Variants in TRDN observed in about 807,000 individuals in gnomAD.
TRDN encodes triadin.
In TRDN, 161 loss-of-function variants were observed where a neutral mutation model predicts 149.7. The observed-to-expected ratio is 1.08, with a 90% confidence interval of 0.95 to 1.23. The LOEUF (loss-of-function observed/expected upper bound fraction) is 1.23, where lower values mean the gene tolerates loss of function less well. TRDN is among the 50% of genes most tolerant of loss of function. TRDN has a pLI of 0.00. For missense variants in TRDN, 896 were observed against 823.5 expected (o/e 1.09, Z -1.08); for synonymous variants, 294 against 250.5 (o/e 1.17, Z -1.64).
chr6:123,636,637 T>TG, intron 1 of TRDN, 117 bp downstream of exon 1: 1 of 1,207,114 alleles, frequency 8.3e-7, no homozygotes, highest in Non-Finnish European at 1.2e-6. Flanking sequence ...ATAGAATCAT[T>TG]GACCAAGGCA....
chr6:123,401,235 T>C (rs1772957156), intron 12 of TRDN, among the ~76,000 whole-genome samples: 1 of 152,196 alleles, frequency 6.6e-6, no homozygotes, highest in Admixed American at 6.5e-5. Context: ...TAAAAATGGC[T>C]AGGTTTGTAA....
intron 24 of TRDN, among the ~76,000 whole-genome samples, chr6:123,296,372 T>C (rs1778197482): frequency 6.6e-6 from 1 of 152,118 alleles, no homozygotes; most frequent in Non-Finnish European, 1.5e-5. Flanking sequence ...ATCTAAACTT[T>C]CTACCACATA....
At chr6:123,548,057 CTT>C (rs1182136742) in intron 3 of TRDN, among the ~76,000 whole-genome samples, 1 of 151,934 alleles carries the variant, frequency 6.6e-6, no homozygotes, top group Non-Finnish European at 1.5e-5. Context: ...GTATAAAACA[CTT>C]ATATGTATTT....
At chr6:123,312,090 G>A (rs1778846810) in intron 24 of TRDN, among the ~76,000 whole-genome samples, 1 of 151,968 alleles carries the variant, frequency 6.6e-6, no homozygotes, top group Non-Finnish European at 1.5e-5. Context: ...GAATCTGACA[G>A]AGGGGTTCCA....
Position 123,503,816 on chromosome 6 carries a change from T to C in TRDN, c.696A>G (p.Gln232=). 1 of 1,610,338 alleles carries C rather than the reference T, an allele frequency of 6.2e-7. No homozygotes were observed. Among genetic ancestry groups the C allele is most frequent in the Non-Finnish European group, 8.5e-7 (1 of 1,177,916 alleles). The stretch of plus-strand genomic sequence containing the variant: ...GTACTTCTTTTACTTTTGCAGCTGT[T>C]TGCTTCACTTTCTCCTGTTTTCCAC... ...VKGGKQEKVK[Q]TAAKVKEVQK... is the part of the protein sequence containing the mutation. Residue 232 remains glutamine (Q), a synonymous_variant, in exon 8 of 41, where the codon CAA becomes CAG. Transcript: ENST00000334268.
intron 10 of TRDN, among the ~76,000 whole-genome samples, chr6:123,449,905 C>G (rs1469461017): frequency 2.0e-5 from 3 of 152,104 alleles, no homozygotes; most frequent in African/African-American, 7.2e-5. Flanking sequence ...GGGATTGGGG[C>G]CCTATCTTCA....
chr6:123,498,668 G>C (rs1778549941), intron 8 of TRDN: 1 of 468,176 alleles, frequency 2.1e-6, no homozygotes, highest in African/African-American at 2.0e-5. Context: ...AAGACATAAG[G>C]TTAAGGTAGA....
chr6:123,607,672 A>T (rs1394460193), intron 1 of TRDN, among the ~76,000 whole-genome samples: 3 of 152,138 alleles, frequency 2.0e-5, no homozygotes, highest in African/African-American at 7.2e-5. Flanking sequence ...CTTGCAGATT[A>T]TGTTTATTTG....
At chr6:123,279,305 G>A (rs1290897520) in intron 24 of TRDN, among the ~76,000 whole-genome samples, 1 of 151,964 alleles carries the variant, frequency 6.6e-6, no homozygotes, top group Admixed American at 6.6e-5. Context: ...ATATTTTCAG[G>A]TTTTAGGCCA....
intron 24 of TRDN, among the ~76,000 whole-genome samples, chr6:123,303,667 T>C (rs1024741461): frequency 6.6e-6 from 1 of 152,102 alleles, no homozygotes; most frequent in Non-Finnish European, 1.5e-5. Flanking sequence ...GAACTGGTAA[T>C]GGTTTTTAAA....
chr6:123,302,273 C>A (rs180889229), intron 24 of TRDN, among the ~76,000 whole-genome samples: 1 of 151,918 alleles, frequency 6.6e-6, no homozygotes, highest in Non-Finnish European at 1.5e-5. Context: ...AAGTCATTCA[C>A]CCATTATGTA....
At chr6:123,557,335 T>A (rs2114479717) in intron 2 of TRDN, among the ~76,000 whole-genome samples, 1 of 152,210 alleles carries the variant, frequency 6.6e-6, no homozygotes, top group East Asian at 1.9e-4. Flanking sequence ...CTCTTTGCTC[T>A]GTGACAAAGA....
chr6:123,581,645 T>A (rs1482793956), intron 1 of TRDN, among the ~76,000 whole-genome samples: 1 of 152,102 alleles, frequency 6.6e-6, no homozygotes, highest in Non-Finnish European at 1.5e-5. Flanking sequence ...GAGAAAACGT[T>A]GAGATGAGAG....
chr6:123,238,512 T>C (rs111876220), intron 38 of TRDN, among the ~76,000 whole-genome samples: 161 of 152,168 alleles, frequency 1.1e-3, no homozygotes, highest in African/African-American at 3.8e-3. Context: ...CCTCAATTTA[T>C]AGAAGTCAAG....
intron 14 of TRDN, among the ~76,000 whole-genome samples, chr6:123,383,140 A>T (rs1001636102): frequency 3.9e-5 from 6 of 151,990 alleles, no homozygotes; most frequent in African/African-American, 1.4e-4. Context: ...TGCCTTACAG[A>T]GGTGTGGTGG....
chr6:123,625,373 G>A (rs1312797002), intron 1 of TRDN, among the ~76,000 whole-genome samples: 1 of 151,982 alleles, frequency 6.6e-6, no homozygotes, highest in African/African-American at 2.4e-5. Flanking sequence ...GTATCCTAGT[G>A]TATATAAAAG....
At chr6:123,274,495 T>A in intron 27 of TRDN, 146 bp downstream of exon 27, 1 of 625,504 alleles carries the variant, frequency 1.6e-6, no homozygotes, top group Non-Finnish European at 2.6e-6. Context: ...TGCTATAAAA[T>A]CATGTTGAGC....
At position 123,419,858 on chromosome 6, in the gene TRDN, A is replaced by T. The variant is rs116878295; in HGVS notation, c.1051+18205T>A. Among the ~76,000 whole-genome samples, 651 of 152,342 alleles carry T rather than the reference A, an allele frequency of 4.3e-3. 3 individuals carry two copies. The highest frequency in any genetic ancestry group is 0.017 in the Middle Eastern group (5 of 294). On this transcript the variant is annotated intron_variant, in intron 12 of 40. Coordinates refer to ENST00000334268, the MANE Select transcript of TRDN (RefSeq NM_006073.4). ...AAACTTTGACAATCGTTTTAGAATC[A>T]GAGAAAACAGATTTCAAGTCCTAAT...
chr6:123,347,245 C>T (rs1236705109), intron 21 of TRDN, among the ~76,000 whole-genome samples: 1 of 152,044 alleles, frequency 6.6e-6, no homozygotes, highest in African/African-American at 2.4e-5. Flanking sequence ...ATAGTACGTA[C>T]TGAAAAACTG....
Sources: allele counts gnomAD v4.1 joint callset (sites outside exome capture counted in the v4.1 genomes callset), GRCh38; gene constraint gnomAD v4.1.1; transcripts MANE v1.5; gene names NCBI Gene and HGNC (gene_info 2026-07-23, HGNC 2026-07-21).